The following ADAM32 variants were observed in gnomAD, a reference collection of about 807,000 sequenced individuals.
The protein encoded by ADAM32 is disintegrin and metalloproteinase domain-containing protein 32.
ADAM32 carries 89 observed loss-of-function variants against 114.9 expected under a neutral mutation model. The observed-to-expected ratio is 0.77, with a 90% confidence interval of 0.65 to 0.92. The LOEUF (loss-of-function observed/expected upper bound fraction) is 0.92. Ranked by LOEUF, ADAM32 falls within the 40% of genes least tolerant of loss-of-function variation. The pLI, the probability that ADAM32 is intolerant of heterozygous loss-of-function variation, is 0.00. For missense variants in ADAM32, 870 were observed against 932.8 expected (o/e 0.93, Z 0.88); for synonymous variants, 285 against 307.5 (o/e 0.93, Z 0.77).
At chr8:39,148,021 C>T (rs897242097) in intron 4 of ADAM32, among the ~76,000 whole-genome samples, 9 of 152,052 alleles carry the variant, frequency 5.9e-5, no homozygotes, top group African/African-American at 2.2e-4. Flanking sequence ...TCAGGTGATC[C>T]ACCTGCCTTG....
intron 1 of ADAM32, among the ~76,000 whole-genome samples, chr8:39,113,546 A>G (rs567634637): frequency 6.6e-6 from 1 of 152,238 alleles, no homozygotes; most frequent in East Asian, 1.9e-4. Context: ...GGACTATGCA[A>G]GGTGTAGCCA....
intron 23 of ADAM32, among the ~76,000 whole-genome samples, chr8:39,282,614 T>C (rs755856263): frequency 2.6e-5 from 4 of 152,228 alleles, no homozygotes; most frequent in South Asian, 4.1e-4. Context: ...TAAGCAGACA[T>C]AGTTGCTGTC....
At chr8:39,133,998 C>T (rs953685913) in intron 2 of ADAM32, among the ~76,000 whole-genome samples, 6 of 152,144 alleles carry the variant, frequency 3.9e-5, no homozygotes, top group Non-Finnish European at 5.9e-5. Context: ...CTCCCTTTGT[C>T]CAGGTGGCAG....
chr8:39,231,261 G>T (rs1809716221), intron 14 of ADAM32, among the ~76,000 whole-genome samples: 2 of 152,112 alleles, frequency 1.3e-5, no homozygotes, highest in African/African-American at 4.8e-5. Flanking sequence ...GTGTTCTGAG[G>T]TGCCATGTGA....
chr8:39,263,454 C>T (rs1313783404), intron 19 of ADAM32, among the ~76,000 whole-genome samples: 2 of 151,990 alleles, frequency 1.3e-5, no homozygotes, highest in Non-Finnish European at 2.9e-5. Flanking sequence ...CTTTAGTGTC[C>T]CCATTCTAGC....
intron 20 of ADAM32, among the ~76,000 whole-genome samples, chr8:39,273,529 A>ACAAAC (rs1554629386): frequency 6.6e-6 from 1 of 150,826 alleles, no homozygotes; most frequent in Non-Finnish European, 1.5e-5. Flanking sequence ...TCCACCTCAA[A>ACAAAC]AAACAAACAA....
intron 12 of ADAM32, among the ~76,000 whole-genome samples, chr8:39,219,085 C>A (rs1403657342): frequency 6.6e-6 from 1 of 152,000 alleles, no homozygotes; most frequent in South Asian, 2.1e-4. Flanking sequence ...GGGGACTTCA[C>A]CACCCTGATC....
intron 7 of ADAM32, among the ~76,000 whole-genome samples, chr8:39,163,719 G>C (rs1396695075): frequency 6.6e-6 from 1 of 152,214 alleles, no homozygotes; most frequent in Non-Finnish European, 1.5e-5. Flanking sequence ...GGAGCATGTA[G>C]TGTAATAAAT....
chr8:39,203,039 G>A (rs992798048), intron 11 of ADAM32, among the ~76,000 whole-genome samples: 2 of 152,202 alleles, frequency 1.3e-5, no homozygotes, highest in Non-Finnish European at 2.9e-5. Flanking sequence ...GCTGAGGAGT[G>A]CTTTACTTCC....
At position 39,195,076 on chromosome 8, in the gene ADAM32, T is replaced by C. The variant is rs375754646; in HGVS notation, c.1052+8031T>C. Among the ~76,000 whole-genome samples, 3 of 152,180 alleles carry C rather than the reference T, an allele frequency of 2.0e-5. No homozygotes were observed. The East Asian group carries it at 5.8e-4, about 29-fold the overall frequency. On this transcript the variant is annotated intron_variant, in intron 11 of 24. Coordinates refer to ENST00000379907, the MANE Select transcript of ADAM32 (RefSeq NM_145004.7). The stretch of plus-strand genomic sequence containing the variant: ...TTTTGGGGCCAGGAAGAAGTCTCAG[T>C]GCATAGTAGCCTTGTGTAAGGTTCC...
chr8:39,168,007 T>G (rs558707737), intron 9 of ADAM32: 9 of 152,196 alleles, frequency 5.9e-5, no homozygotes, highest in Non-Finnish European at 1.2e-4. Flanking sequence ...GACTTCCTCT[T>G]TACCGATTTG....
intron 3 of ADAM32, among the ~76,000 whole-genome samples, chr8:39,143,074 C>T (rs993592820): frequency 1.1e-4 from 17 of 152,158 alleles, no homozygotes; most frequent in African/African-American, 3.9e-4. Context: ...TTAAGTTCTT[C>T]TCTACACTGT....
chr8:39,194,112 G>A (rs1449785054), intron 11 of ADAM32, among the ~76,000 whole-genome samples: 4 of 152,156 alleles, frequency 2.6e-5, no homozygotes, highest in Non-Finnish European at 4.4e-5. Flanking sequence ...CTCAGGGTGG[G>A]GTGGGAAGCC....
intron 19 of ADAM32, among the ~76,000 whole-genome samples, chr8:39,269,014 T>A (rs1285113923): frequency 6.6e-6 from 1 of 152,236 alleles, no homozygotes; most frequent in Admixed American, 6.5e-5. Context: ...GGTTTTACTC[T>A]GGCTCAGGCA....
intron 11 of ADAM32, among the ~76,000 whole-genome samples, chr8:39,205,248 G>C (rs750510333): frequency 8.5e-5 from 13 of 152,198 alleles, no homozygotes; most frequent in Non-Finnish European, 1.9e-4. Context: ...AGGCAGGCAG[G>C]CCTCCTTGAG....
chr8:39,127,943 G>A (rs998744852), intron 2 of ADAM32, among the ~76,000 whole-genome samples: 1 of 152,146 alleles, frequency 6.6e-6, no homozygotes, highest in East Asian at 1.9e-4. Flanking sequence ...TTTCACAACA[G>A]TTATTCAGGA....
At chr8:39,142,468 A>T (rs987393845) in intron 3 of ADAM32, among the ~76,000 whole-genome samples, 1 of 152,108 alleles carries the variant, frequency 6.6e-6, no homozygotes, top group African/African-American at 2.4e-5. Context: ...ATGAAGCTTA[A>T]TTTGGCTGGA....
At chr8:39,261,085 C>A (rs186508811) in intron 19 of ADAM32, among the ~76,000 whole-genome samples, 35 of 152,076 alleles carry the variant, frequency 2.3e-4, no homozygotes, top group Admixed American at 2.0e-3. Flanking sequence ...GAGTCAGTAT[C>A]CTCCTTCTAG....
At chr8:39,146,879 A>G (rs1329345232) in intron 3 of ADAM32, among the ~76,000 whole-genome samples, 1 of 152,226 alleles carries the variant, frequency 6.6e-6, no homozygotes, top group Non-Finnish European at 1.5e-5. Context: ...CGTTTTCTCT[A>G]AAGATTCAGA....
Sources: gnomAD v4.1 joint callset for allele counts (sites outside exome capture counted in the v4.1 genomes callset) on GRCh38, gnomAD v4.1.1 for gene constraint, MANE v1.5 for transcripts, NCBI Gene and HGNC (gene_info 2026-07-23, HGNC 2026-07-21) for gene names.